Variants in SLC4A10 observed in about 807,000 individuals in gnomAD.
SLC4A10 encodes the protein solute carrier family 4 member 10.
In SLC4A10, 42 loss-of-function variants were observed where a neutral mutation model predicts 137.7. The observed-to-expected ratio is 0.30, with a 90% CI of 0.24 to 0.39. SLC4A10 has a LOEUF of 0.39. SLC4A10 is among the 10% of genes least tolerant of loss of function. SLC4A10 has a pLI of 1.00. For missense variants in SLC4A10, 925 were observed against 1,355.0 expected (o/e 0.68, Z 4.98); for synonymous variants, 474 against 464.1 (o/e 1.02, Z -0.27).
chr2:161,884,163 G>A (rs2062038334), intron 10 of SLC4A10, among the ~76,000 whole-genome samples: 1 of 152,022 alleles, frequency 6.6e-6, no homozygotes, highest in Non-Finnish European at 1.5e-5. Context: ...ATATTGATTT[G>A]TATTGTTATT....
At position 161,676,848 on chromosome 2, in the gene SLC4A10, G is replaced by A. The variant is rs113224519; in HGVS notation, c.48+52282G>A. Among the ~76,000 whole-genome samples the A allele has an allele frequency of 3.3e-5, 5 of 152,148 alleles. No homozygotes were observed. The East Asian group carries it at 7.7e-4, about 23-fold the overall frequency. ...TCTCGTTTGTAGTTCTATGAAAATG[G>A]CACCCTACAGGGCGTGCTGTATGGT... On this transcript the variant is annotated intron_variant, in intron 1 of 26. Coordinates refer to ENST00000446997, the MANE Select transcript of SLC4A10 (RefSeq NM_001178015.2).
At chr2:161,933,134 T>TCTTTCTTTTA (rs1690732810) in intron 15 of SLC4A10, among the ~76,000 whole-genome samples, 1 of 151,530 alleles carries the variant, frequency 6.6e-6, no homozygotes, top group Non-Finnish European at 1.5e-5. Flanking sequence ...TGCCTGTTTT[T>TCTTTCTTTTA]CTTTCTTTTC....
rs1385533578 is a variant in SLC4A10, at chr2:161,684,080, T to C, written c.48+59514T>C. On this transcript the variant is annotated intron_variant, in intron 1 of 26. Coordinates refer to ENST00000446997, the MANE Select transcript of SLC4A10 (RefSeq NM_001178015.2). ...CAGGCCCTGACAACCATCGTTCTTCTTTCTTTCTTCATGAATTTGATGACT... is the reference window on the plus strand; with the variant it reads ...CAGGCCCTGACAACCATCGTTCTTCCTTCTTTCTTCATGAATTTGATGACT... 2.0e-5 allele frequency among the ~76,000 whole-genome samples: 3 copies of C among 152,290 alleles called. No individual in the cohort carries two copies. The East Asian group carries it at 5.8e-4, about 29-fold the overall frequency.
intron 1 of SLC4A10, among the ~76,000 whole-genome samples, chr2:161,706,262 A>T (rs779661889): frequency 6.6e-6 from 1 of 151,660 alleles, no homozygotes; most frequent in South Asian, 2.1e-4. Flanking sequence ...AATGATAAAA[A>T]TATCAGTGTT....
At chr2:161,667,667 T>C (rs1454481705) in intron 1 of SLC4A10, among the ~76,000 whole-genome samples, 2 of 151,708 alleles carry the variant, frequency 1.3e-5, no homozygotes, top group Non-Finnish European at 3.0e-5. Context: ...AATATATTTA[T>C]ATATTGAATA....
At chr2:161,789,963 T>C (rs1323034785) in intron 2 of SLC4A10, among the ~76,000 whole-genome samples, 2 of 152,156 alleles carry the variant, frequency 1.3e-5, no homozygotes, top group Non-Finnish European at 2.9e-5. Context: ...AGTCACTCTA[T>C]CTGATAAGCA....
intron 21 of SLC4A10, 112 bp downstream of exon 21, chr2:161,958,667 C>T (rs1301980297): frequency 1.5e-6 from 1 of 648,172 alleles, no homozygotes; most frequent in East Asian, 3.0e-5. Flanking sequence ...GCTTTTAGAC[C>T]ACAATTAAAT....
intron 21 of SLC4A10, among the ~76,000 whole-genome samples, chr2:161,963,353 A>G (rs1697047905): frequency 6.6e-6 from 1 of 152,140 alleles, no homozygotes; most frequent in African/African-American, 2.4e-5. Context: ...AATAACATTG[A>G]TTGAGATGAA....
rs557181147 is a variant in SLC4A10 at position 161,858,155 on chromosome 2, T to G, written c.577+3025T>G. On this transcript the variant is annotated intron_variant, in intron 5 of 26. Transcript: ENST00000446997. ...CATACATTAGTCACTAGTTTCAGTTTTACAAACGCTAAGTGTAAGAGCTTA... is the reference window on the plus strand; with the variant it reads ...CATACATTAGTCACTAGTTTCAGTTGTACAAACGCTAAGTGTAAGAGCTTA... Among the ~76,000 whole-genome samples, 69 of 152,330 alleles carry G rather than the reference T, an allele frequency of 4.5e-4. 1 individual carries two copies. The highest frequency in any genetic ancestry group is 1.3e-3 in the Admixed American group (20 of 15,296).
At chr2:161,858,504 A>G (rs180890181) in intron 5 of SLC4A10, among the ~76,000 whole-genome samples, 1 of 152,156 alleles carries the variant, frequency 6.6e-6, no homozygotes, top group Non-Finnish European at 1.5e-5. Context: ...ATAAATTTAA[A>G]CTTTATCCTT....
intron 19 of SLC4A10, among the ~76,000 whole-genome samples, chr2:161,955,490 C>T (rs1400515753): frequency 6.6e-6 from 1 of 152,028 alleles, no homozygotes; most frequent in African/African-American, 2.4e-5. Context: ...GTAGTATTGC[C>T]CCAGTAAGCT....
intron 1 of SLC4A10, among the ~76,000 whole-genome samples, chr2:161,659,393 A>G (rs1558965960): frequency 6.6e-6 from 1 of 152,184 alleles, no homozygotes; most frequent in African/African-American, 2.4e-5. Context: ...GAAAGGTGAG[A>G]GAATAATGGG....
At chr2:161,710,020 A>T (rs2044109076) in intron 1 of SLC4A10, 2 of 151,534 alleles carry the variant, frequency 1.3e-5, no homozygotes, top group South Asian at 2.1e-4. Flanking sequence ...GACATAGATT[A>T]AAAAAATGAA....
At chr2:161,632,414 GA>G (rs2033719086) in intron 1 of SLC4A10, among the ~76,000 whole-genome samples, 1 of 151,074 alleles carries the variant, frequency 6.6e-6, no homozygotes, top group African/African-American at 2.4e-5. Flanking sequence ...AAAATGAAAA[GA>G]AAAAAACCCA....
intron 2 of SLC4A10, among the ~76,000 whole-genome samples, chr2:161,787,602 TTTTG>T (rs975180942): frequency 1.3e-5 from 2 of 152,136 alleles, no homozygotes; most frequent in Non-Finnish European, 2.9e-5. Flanking sequence ...TTCTCAAATA[TTTTG>T]TTTATTTTTA....
At chr2:161,932,340 T>C (rs573529431) in intron 15 of SLC4A10, among the ~76,000 whole-genome samples, 14 of 152,288 alleles carry the variant, frequency 9.2e-5, no homozygotes, top group Admixed American at 2.0e-4. Flanking sequence ...GAAAAAGACA[T>C]TGCAGACCAA....
At chr2:161,959,284 A>T (rs114443436) in intron 21 of SLC4A10, among the ~76,000 whole-genome samples, 2,008 of 152,286 alleles carry the variant, frequency 0.013, 41 homozygotes, top group East Asian at 0.099. Context: ...GTATAAGGGG[A>T]ACTTTATGAA....
chr2:161,771,235 A>G (rs1381295993), intron 2 of SLC4A10, among the ~76,000 whole-genome samples, 181 bp downstream of exon 2: 1 of 151,924 alleles, frequency 6.6e-6, no homozygotes, highest in Admixed American at 6.6e-5. Context: ...CAGACCTGAA[A>G]TCAATGAGAA....
At chr2:161,819,749 C>T (rs970369703) in intron 3 of SLC4A10, among the ~76,000 whole-genome samples, 4 of 152,202 alleles carry the variant, frequency 2.6e-5, no homozygotes, top group African/African-American at 9.7e-5. Flanking sequence ...CCGCACCAGC[C>T]TCCCAAAGTG....
Sources: allele counts gnomAD v4.1 joint callset (sites outside exome capture counted in the v4.1 genomes callset), GRCh38; gene constraint gnomAD v4.1.1; transcripts MANE v1.5; gene names NCBI Gene and HGNC (gene_info 2026-07-23, HGNC 2026-07-21).